Variants in TRIM14 observed in about 807,000 individuals in gnomAD.
TRIM14 encodes tripartite motif containing 14.
TRIM14 carries 28 observed loss-of-function variants against 44.5 expected under a neutral mutation model. The ratio of observed to expected loss-of-function variants is 0.63; its 90% confidence interval spans 0.47 to 0.86. The LOEUF (loss-of-function observed/expected upper bound fraction) is 0.86, where lower values mean the gene tolerates loss of function less well. Among genes scored for constraint, TRIM14 ranks in the 40% least tolerant of loss-of-function variants. The pLI, the probability that TRIM14 is intolerant of heterozygous loss-of-function variation, is 0.00. For missense variants in TRIM14, 607 were observed against 611.1 expected (o/e 0.99, Z 0.07); for synonymous variants, 299 against 269.2 (o/e 1.11, Z -1.08).
rs1398835146 is a variant in TRIM14, at chr9:98,085,323, AGC to A, written c.*2145_*2146del. The A allele has an allele frequency of 6.6e-6, 1 of 152,496 alleles. No homozygotes were observed. The highest frequency in any genetic ancestry group is 2.4e-5 in the African/African-American group (1 of 41,456). The allele number at this position is 152,496 out of a possible 1,614,324, so 9.4% of individuals were successfully genotyped here. A position where few individuals can be genotyped will look rare whatever the true frequency, so the allele number is the denominator to read the frequency against. ...AACTCACAGCCTGGGCCCAGACTCCAGCTCCACCACTAGCTGTGCGACCTTGG... is the reference window on the plus strand; with the variant it reads ...AACTCACAGCCTGGGCCCAGACTCCATCCACCACTAGCTGTGCGACCTTGG... On this transcript the variant is annotated 3_prime_UTR_variant, in exon 6 of 6. Coordinates refer to ENST00000341469, the MANE Select transcript of TRIM14 (RefSeq NM_014788.4).
At chr9:98,056,657 G>A in the TRIM14 span, 1 of 1,191,786 alleles carries the variant, frequency 8.4e-7, no homozygotes, top group Non-Finnish European at 1.1e-6. Context: ...AGAGAGGCGG[G>A]GCCTAGGGGA....
chr9:98,109,858 C>G, intron 2 of TRIM14, 31 bp downstream of exon 2: 2 of 1,579,012 alleles, frequency 1.3e-6, no homozygotes, highest in Non-Finnish European at 1.7e-6. Context: ...GTGGGTCTTT[C>G]CATGGGTATG....
intron 2 of TRIM14, among the ~76,000 whole-genome samples, chr9:98,103,775 T>G (rs1244339412): frequency 1.4e-5 from 2 of 147,076 alleles, no homozygotes; most frequent in Non-Finnish European, 3.0e-5. Context: ...GAGGCAGAGG[T>G]TGCAGTGAGC....
chr9:98,056,690 C>G, the TRIM14 span: 1 of 1,433,786 alleles, frequency 7.0e-7, no homozygotes, highest in East Asian at 2.8e-5. Context: ...CGACCGCGGG[C>G]TGACGTGGCG....
chr9:98,103,908 T>G (rs1826500816), intron 2 of TRIM14, among the ~76,000 whole-genome samples: 1 of 150,428 alleles, frequency 6.6e-6, no homozygotes, highest in East Asian at 1.9e-4. Flanking sequence ...ACAGTCCACA[T>G]AGCAGAATGA....
chr9:98,118,955 G>T, intron 1 of TRIM14, 27 bp downstream of exon 1: 1 of 1,487,638 alleles, frequency 6.7e-7, no homozygotes, highest in Admixed American at 2.3e-5. Flanking sequence ...ACTCCCGCGC[G>T]GCGAACCCCG....
Position 98,119,199 on chromosome 9 carries a change from C to T in TRIM14, c.-11G>A, listed in dbSNP as rs746597379. The T allele has an allele frequency of 2.6e-6, 4 of 1,567,048 alleles. No individual in the cohort carries two copies. In the South Asian group the frequency reaches 3.4e-5, roughly 13 times the overall value. Reference sequence around the variant, plus strand: ...CGCCGCGCCCGCCATTCATCTCCACCTCCTCCGGCTCCCCGGGACACAGGG... The same window carrying T: ...CGCCGCGCCCGCCATTCATCTCCACTTCCTCCGGCTCCCCGGGACACAGGG... On this transcript the variant is annotated 5_prime_UTR_variant, in exon 1 of 6. Transcript: ENST00000341469.
At chr9:98,099,756 TC>T (rs1826319258) in intron 3 of TRIM14, among the ~76,000 whole-genome samples, 174 bp downstream of exon 3, 1 of 152,240 alleles carries the variant, frequency 6.6e-6, no homozygotes, top group African/African-American at 2.4e-5. Context: ...TGTATTATCT[TC>T]CTAACAATGT....
At chr9:98,115,742 A>G (rs1827027720) in intron 1 of TRIM14, 1 of 152,234 alleles carries the variant, frequency 6.6e-6, no homozygotes, top group South Asian at 2.1e-4. Context: ...CAATAAGAGT[A>G]TGTTTTCTTT....
chr9:98,085,828 A>C lies in TRIM14; in HGVS notation c.*1642T>G, dbSNP rs1825755208. ...AAAATTGTCAGTTTTATATGGTTCAAACTAATGCACTGAAAGTCTATTTAA... is the reference window on the plus strand; with the variant it reads ...AAAATTGTCAGTTTTATATGGTTCACACTAATGCACTGAAAGTCTATTTAA... On this transcript the variant is annotated 3_prime_UTR_variant, in exon 6 of 6. Coordinates refer to ENST00000341469, the MANE Select transcript of TRIM14 (RefSeq NM_014788.4). 1 of 152,190 alleles carries C rather than the reference A, an allele frequency of 6.6e-6. No homozygotes were observed. Among genetic ancestry groups the C allele is most frequent in the Admixed American group, 6.5e-5 (1 of 15,284 alleles). The allele number at this position is 152,190 out of a possible 1,614,324, so 9.4% of individuals were successfully genotyped here.
intron 1 of TRIM14, among the ~76,000 whole-genome samples, chr9:98,110,905 G>C (rs1286854086): frequency 8.5e-6 from 1 of 118,204 alleles, no homozygotes. Flanking sequence ...AAATTAGCTG[G>C]GCATGGTGGC....
chr9:98,113,144 A>AT (rs1826920298), intron 1 of TRIM14, among the ~76,000 whole-genome samples: 2 of 149,946 alleles, frequency 1.3e-5, no homozygotes, highest in South Asian at 4.2e-4. Flanking sequence ...AAAAGAAGGA[A>AT]TTTTTTATAA....
chr9:98,035,983 G>T, the TRIM14 span, among the ~76,000 whole-genome samples: 6 of 152,104 alleles, frequency 3.9e-5, no homozygotes, highest in African/African-American at 1.4e-4. Context: ...GGCCGAGGTG[G>T]GTGGATTACG....
chr9:98,063,434 G>T, the TRIM14 span, among the ~76,000 whole-genome samples: 2 of 151,988 alleles, frequency 1.3e-5, no homozygotes, highest in Non-Finnish European at 2.9e-5. Context: ...TAGAGATGGG[G>T]TTTCACCATG....
At chr9:98,059,127 C>T in the TRIM14 span, among the ~76,000 whole-genome samples, 5 of 151,724 alleles carry the variant, frequency 3.3e-5, no homozygotes, top group Non-Finnish European at 5.9e-5. Flanking sequence ...GGGTTCACAC[C>T]GTTCTCCTGT....
chr9:98,048,462 A>G, the TRIM14 span, among the ~76,000 whole-genome samples: 1 of 152,300 alleles, frequency 6.6e-6, no homozygotes, highest in South Asian at 2.1e-4. Context: ...GTAGTTATAT[A>G]TGTGTTGTGC....
chr9:98,071,028 G>T (rs190330803), intron 6 of TRIM14, among the ~76,000 whole-genome samples: 1 of 151,860 alleles, frequency 6.6e-6, no homozygotes, highest in Non-Finnish European at 1.5e-5. Flanking sequence ...GCCCAGGCTG[G>T]TCTTAAACTC....
At chr9:98,083,526 C>A (rs1829983399), downstream of TRIM14, among the ~76,000 whole-genome samples, 1 of 152,212 alleles carries the variant, frequency 6.6e-6, no homozygotes, top group Admixed American at 6.5e-5. Flanking sequence ...AGAGAAAGGA[C>A]TGGTCAAAGG....
intron 2 of TRIM14, among the ~76,000 whole-genome samples, chr9:98,102,248 G>A (rs1422611854): frequency 6.6e-6 from 1 of 152,146 alleles, no homozygotes; most frequent in Non-Finnish European, 1.5e-5. Context: ...TCCAGCTCCT[G>A]CCTCTTTGCA....
Sources: gnomAD v4.1 joint callset for allele counts (sites outside exome capture counted in the v4.1 genomes callset) on GRCh38, gnomAD v4.1.1 for gene constraint, MANE v1.5 for transcripts, NCBI Gene and HGNC (gene_info 2026-07-23, HGNC 2026-07-21) for gene names.